The following TEX36 variants were observed in gnomAD, a reference collection of about 807,000 sequenced individuals.
The protein encoded by TEX36 is testis expressed 36.
A neutral mutation model predicts 13.6 loss-of-function variants in TEX36; 12 were observed. That is an observed-to-expected ratio of 0.88 (90% confidence interval 0.56 to 1.43). TEX36 has a LOEUF of 1.43. TEX36 is among the 40% of genes most tolerant of loss of function. TEX36 has a pLI of 0.00. For missense variants in TEX36, 224 were observed against 228.3 expected, an observed-to-expected ratio of 0.98 and a Z score of 0.12; for synonymous variants, 93 against 83.0, an observed-to-expected ratio of 1.12 and a Z score of -0.65.
At chr10:125,623,308 A>G (rs1438986739) in intron 3 of TEX36, among the ~76,000 whole-genome samples, 3 of 152,134 alleles carry the variant, frequency 2.0e-5, no homozygotes, top group African/African-American at 7.2e-5. Context: ...GCCCACCCAC[A>G]TTGAGGGTAG....
At chr10:125,592,477 C>G (rs915829413) in intron 3 of TEX36, among the ~76,000 whole-genome samples, 7 of 152,156 alleles carry the variant, frequency 4.6e-5, no homozygotes, top group African/African-American at 1.4e-4. Flanking sequence ...GAGGAGAAGG[C>G]AGTGTTTTTC....
intron 3 of TEX36, among the ~76,000 whole-genome samples, chr10:125,581,104 C>G (rs1459737193): frequency 6.6e-6 from 1 of 152,166 alleles, no homozygotes; most frequent in Non-Finnish European, 1.5e-5. Context: ...AGCCTAGGGA[C>G]AGCTTCCCTC....
chr10:125,611,046 T>C (rs1442046110), intron 3 of TEX36, among the ~76,000 whole-genome samples: 13 of 152,200 alleles, frequency 8.5e-5, no homozygotes, highest in Non-Finnish European at 1.9e-4. Context: ...TTTAATCGTA[T>C]ATTGTGAACA....
At position 125,647,668 on chromosome 10, in the gene TEX36, G is replaced by C. The variant is rs1001381996; in HGVS notation, c.264+13353C>G. Among the ~76,000 whole-genome samples, 4 of 152,152 alleles carry C rather than the reference G, an allele frequency of 2.6e-5. No individual in the cohort carries two copies. The South Asian group carries it at 8.3e-4, about 31-fold the overall frequency. ...TACTGGGTTCATCTCACTGGGGCTT[G>C]TCAGACAGTGGGTGCAGCCCACAGA... is the stretch of plus-strand genomic sequence containing the variant. On this transcript the variant is annotated intron_variant, in intron 3 of 3. Coordinates refer to the TEX36 transcript ENST00000526819.
intron 1 of TEX36, chr10:125,667,782 GC>G: frequency 1.0e-6 from 1 of 972,586 alleles, no homozygotes; most frequent in Non-Finnish European, 1.6e-6. Flanking sequence ...CAGTAGAAGC[GC>G]CAGTTCTCTT....
At chr10:125,675,996 A>AT (rs1847304462) in intron 1 of TEX36, among the ~76,000 whole-genome samples, 1 of 152,124 alleles carries the variant, frequency 6.6e-6, no homozygotes, top group East Asian at 1.9e-4. Flanking sequence ...AATGACTTTA[A>AT]TTTTTTTAAA....
At chr10:125,670,494 T>C (rs952561423) in intron 1 of TEX36, among the ~76,000 whole-genome samples, 1 of 152,228 alleles carries the variant, frequency 6.6e-6, no homozygotes, top group African/African-American at 2.4e-5. Context: ...ATTAGACCTT[T>C]ATGAGATGGA....
intron 1 of TEX36, among the ~76,000 whole-genome samples, chr10:125,673,951 A>G (rs12412330): frequency 0.039 from 5,910 of 152,054 alleles, 289 homozygotes; most frequent in African/African-American, 0.11. Context: ...GTGTTTCCTG[A>G]ATTTGAATGT....
intron 3 of TEX36, among the ~76,000 whole-genome samples, chr10:125,579,211 T>C (rs1327443187): frequency 6.6e-6 from 1 of 152,216 alleles, no homozygotes; most frequent in Non-Finnish European, 1.5e-5. Context: ...GGGTACTTTA[T>C]AAAGAAAAGA....
At chr10:125,677,749 T>C (rs979289853) in intron 1 of TEX36, among the ~76,000 whole-genome samples, 6 of 152,186 alleles carry the variant, frequency 3.9e-5, no homozygotes, top group Non-Finnish European at 8.8e-5. Context: ...TGGTGCGATC[T>C]TGGCTCACTG....
intron 3 of TEX36, among the ~76,000 whole-genome samples, chr10:125,622,834 T>C (rs1418374577): frequency 6.6e-6 from 1 of 152,218 alleles, no homozygotes; most frequent in Non-Finnish European, 1.5e-5. Flanking sequence ...TCTTAACCTG[T>C]TGACTTAGAG....
At chr10:125,635,784 G>T (rs764736151) in intron 3 of TEX36, among the ~76,000 whole-genome samples, 3 of 152,044 alleles carry the variant, frequency 2.0e-5, no homozygotes, top group Non-Finnish European at 2.9e-5. Flanking sequence ...GGGATGGTGG[G>T]TTCCACCTCC....
At chr10:125,629,547 T>G (rs185915554) in intron 3 of TEX36, among the ~76,000 whole-genome samples, 19 of 152,352 alleles carry the variant, frequency 1.2e-4, no homozygotes, top group Admixed American at 1.2e-3. Context: ...ACATCTGCAT[T>G]CATTCGGTGA....
At chr10:125,677,710 C>T (rs997716121) in intron 1 of TEX36, among the ~76,000 whole-genome samples, 21 of 151,884 alleles carry the variant, frequency 1.4e-4, no homozygotes, top group Non-Finnish European at 2.2e-4. Context: ...GAGACATAGT[C>T]TCACTCTATT....
chr10:125,593,197 C>T (rs950593859), intron 3 of TEX36, among the ~76,000 whole-genome samples: 1 of 152,240 alleles, frequency 6.6e-6, no homozygotes, highest in African/African-American at 2.4e-5. Context: ...GCCCCAGCCA[C>T]CAGTCATCTC....
At chr10:125,641,409 G>A (rs1846690381) in intron 3 of TEX36, among the ~76,000 whole-genome samples, 2 of 152,172 alleles carry the variant, frequency 1.3e-5, no homozygotes, top group Admixed American at 6.5e-5. Context: ...ATGTCTGAGG[G>A]CCTTTACATC....
chr10:125,610,761 T>C (rs1195456955), intron 3 of TEX36, among the ~76,000 whole-genome samples: 1 of 152,250 alleles, frequency 6.6e-6, no homozygotes, highest in Non-Finnish European at 1.5e-5. Flanking sequence ...ATCACACAGA[T>C]ATGATGCTAT....
At chr10:125,671,759 C>T (rs781646624) in intron 1 of TEX36, among the ~76,000 whole-genome samples, 101 of 152,084 alleles carry the variant, frequency 6.6e-4, no homozygotes, top group Admixed American at 5.2e-4. Flanking sequence ...TCCATCTGGT[C>T]CTGAGCTTTG....
intron 3 of TEX36, among the ~76,000 whole-genome samples, chr10:125,646,037 A>G (rs1846762563): frequency 6.6e-6 from 1 of 152,252 alleles, no homozygotes; most frequent in Non-Finnish European, 1.5e-5. Context: ...TTGAATTAAG[A>G]AAGAAAACAG....
Sources: allele counts gnomAD v4.1 joint callset (sites outside exome capture counted in the v4.1 genomes callset), GRCh38; gene constraint gnomAD v4.1.1; transcripts MANE v1.5; gene names NCBI Gene and HGNC (gene_info 2026-07-23, HGNC 2026-07-21).